The following MRPL51 variants were observed in gnomAD, a reference collection of about 807,000 sequenced individuals.
The protein encoded by MRPL51 is mitochondrial ribosomal protein L51.
Under a neutral mutation model 15.0 loss-of-function variants are expected in MRPL51, and 6 were observed. The observed-to-expected ratio is 0.40, with a 90% confidence interval of 0.22 to 0.79. The LOEUF (loss-of-function observed/expected upper bound fraction) is 0.79. MRPL51 is among the 30% of genes least tolerant of loss of function. The pLI is 0.36. For missense variants in MRPL51, 155 were observed against 166.4 expected, an observed-to-expected ratio of 0.93 and a Z score of 0.38; for synonymous variants, 65 against 58.3, an observed-to-expected ratio of 1.11 and a Z score of -0.52.
In MRPL51 at chr12:6,492,401, T is replaced by C. The variant is rs1175983998; in HGVS notation, c.257A>G (p.Asn86Ser). 4 of 1,614,098 alleles carry C rather than the reference T, an allele frequency of 2.5e-6. No individual in the cohort carries two copies. Among genetic ancestry groups the C allele is most frequent in the Admixed American group, 1.7e-5 (1 of 59,986 alleles). ...CTTTCGGATACAACGTTGCAATTCA[T>C]TCCCTTTCCAACCTCGAAGCCATAT... is the stretch of plus-strand genomic sequence containing the variant. Reference protein sequence around the residue: ...GPIWLRGWKGNELQRCIRKRK... With the variant: ...GPIWLRGWKGSELQRCIRKRK... Residue 86 changes from asparagine to serine, a missense_variant, in exon 3 of 3, where the codon AAT (asparagine) becomes AGT (serine). Asn to Ser is a conservative substitution (Grantham distance 46, BLOSUM62 1). Transcript: ENST00000229238.
In MRPL51 at chr12:6,492,844, T is replaced by G; in HGVS notation, c.190+18A>C. ...TGCCATTCTGAAATTGTGTACCACG[T>G]CGAAGGTCAAGTCTTACCCAGGATC... On this transcript the variant is annotated intron_variant, in intron 2 of 2. Coordinates refer to ENST00000229238, the MANE Select transcript of MRPL51 (RefSeq NM_016497.4). The G allele has an allele frequency of 6.3e-7, 1 of 1,579,688 alleles. No individual in the cohort carries two copies. Among genetic ancestry groups the G allele is most frequent in the African/African-American group, 1.3e-5 (1 of 74,124 alleles).
chr12:6,492,243 C>A lies in MRPL51; in HGVS notation c.*28G>T, dbSNP rs1339944454. On this transcript the variant is annotated 3_prime_UTR_variant, in exon 3 of 3. Coordinates refer to ENST00000229238, the MANE Select transcript of MRPL51 (RefSeq NM_016497.4). ...TCCCTTCTCCAGGGTGACAGATGAGCCTTTTCCGAAGTTCTCAGCTTTCTC... is the reference window on the plus strand; with the variant it reads ...TCCCTTCTCCAGGGTGACAGATGAGACTTTTCCGAAGTTCTCAGCTTTCTC... 6.4e-7 allele frequency: 1 copy of A among 1,556,598 alleles called. No homozygotes were observed. Among genetic ancestry groups the A allele is most frequent in the African/African-American group, 1.4e-5 (1 of 72,932 alleles).
chr12:6,493,033 C>CG, intron 1 of MRPL51, 25 bp downstream of exon 1: 1 of 1,613,940 alleles, frequency 6.2e-7, no homozygotes, highest in African/African-American at 1.3e-5. Context: ...AAGCAGTTAT[C>CG]GGGGTGCCTA....
chr12:6,492,836 G>T, intron 2 of MRPL51, 26 bp downstream of exon 2: 1 of 1,562,384 alleles, frequency 6.4e-7, no homozygotes, highest in Non-Finnish European at 8.8e-7. Context: ...CTGAAATTGT[G>T]TACCACGTCG....
chr12:6,492,766 G>A, intron 2 of MRPL51, 96 bp downstream of exon 2: 1 of 1,244,528 alleles, frequency 8.0e-7, no homozygotes, highest in Non-Finnish European at 1.2e-6. Context: ...TCTTACTATT[G>A]AGCACAGTAC....
Position 6,493,078 on chromosome 12 carries a change from G to C in MRPL51, c.59C>G (p.Ala20Gly). The change falls in exon 1 of 3, where the codon GCG becomes GGG. Residue 20 changes from alanine to glycine, a missense_variant. Coordinates refer to ENST00000229238, the MANE Select transcript of MRPL51 (RefSeq NM_016497.4). ...GRRLWDWVPL[A>G]CRSFSLGVPR... ...CTTACCAAGAGAGAAGCTTCTGCAC[G>C]CCAGAGGCACCCAGTCCCACAGGCG... is the stretch of plus-strand genomic sequence containing the variant. 1 of 1,613,368 alleles carries C rather than the reference G, an allele frequency of 6.2e-7. No individual in the cohort carries two copies. Among genetic ancestry groups the C allele is most frequent in the African/African-American group, 1.3e-5 (1 of 75,004 alleles).
In MRPL51 at chr12:6,493,225, G is replaced by C. The variant is rs1009970512; in HGVS notation, c.-89C>G. The C allele has an allele frequency of 2.8e-6, 4 of 1,407,058 alleles. No individual in the cohort carries two copies. The highest frequency in any genetic ancestry group is 3.9e-6 in the Non-Finnish European group (4 of 1,015,434). The allele number at this position is 1,407,058 out of a possible 1,614,324, so 87.2% of individuals were successfully genotyped here. The stretch of plus-strand genomic sequence containing the variant: ...CCGCCAACTTCACACGAGTACTAAG[G>C]CGAAGACAGCCATCTTGGGCCTTAC... On this transcript the variant is annotated 5_prime_UTR_variant, in exon 1 of 3. Transcript: ENST00000229238.
At chr12:6,493,030 T>C (rs201163835) in intron 1 of MRPL51, 28 bp downstream of exon 1, 2 of 1,613,988 alleles carry the variant, frequency 1.2e-6, no homozygotes, top group Admixed American at 1.7e-5. Context: ...ACGAAGCAGT[T>C]ATCGGGGTGC....
chr12:6,492,192 G>A lies in MRPL51; in HGVS notation c.*79C>T, dbSNP rs1017125758. 12 of 1,409,070 alleles carry A rather than the reference G, an allele frequency of 8.5e-6. No homozygotes were observed. In the African/African-American group the frequency reaches 1.3e-4, roughly 15 times the overall value. 87.3% of individuals were successfully genotyped at this position (1,409,070 alleles called of 1,614,324 possible). On this transcript the variant is annotated 3_prime_UTR_variant, in exon 3 of 3. Coordinates refer to ENST00000229238, the MANE Select transcript of MRPL51 (RefSeq NM_016497.4). The stretch of plus-strand genomic sequence containing the variant: ...TTTATTACAGAGAAAATACAAAGCC[G>A]TTTCCTCACAGGGAAAAGTACAGTT...
Position 6,493,185 on chromosome 12 carries a change from T to A in MRPL51, c.-49A>T. The A allele has an allele frequency of 6.2e-7, 1 of 1,601,696 alleles. No homozygotes were observed. The highest frequency in any genetic ancestry group is 8.5e-7 in the Non-Finnish European group (1 of 1,172,056). ...AGCACACCAAATAAGCCCAAGAAGATGACAGGAACCGTCCCCGCCAACTTC... is the reference window on the plus strand; with the variant it reads ...AGCACACCAAATAAGCCCAAGAAGAAGACAGGAACCGTCCCCGCCAACTTC... On this transcript the variant is annotated 5_prime_UTR_variant, in exon 1 of 3. Transcript: ENST00000229238.
rs1371202189 is a variant in MRPL51, at chr12:6,492,123, G to C, written c.*148C>G. On this transcript the variant is annotated 3_prime_UTR_variant, in exon 3 of 3. Coordinates refer to ENST00000229238, the MANE Select transcript of MRPL51 (RefSeq NM_016497.4). Reference sequence around the variant, plus strand: ...TACATGAGTAGAGGCAGCATCTAGAGGAAAACAAAAGTATGTGGCTATCAA... The same window carrying C: ...TACATGAGTAGAGGCAGCATCTAGACGAAAACAAAAGTATGTGGCTATCAA... The C allele has an allele frequency of 1.3e-6, 1 of 799,810 alleles. No homozygotes were observed. The highest frequency in any genetic ancestry group is 1.9e-6 in the Non-Finnish European group (1 of 514,546). 49.5% of individuals were successfully genotyped at this position (799,810 alleles called of 1,614,324 possible). A position where few individuals can be genotyped will look rare whatever the true frequency, so the allele number is the denominator to read the frequency against.
rs776294161 is a variant in MRPL51 at position 6,492,843 on chromosome 12, G to A, written c.190+19C>T. On this transcript the variant is annotated intron_variant, in intron 2 of 2. Transcript: ENST00000229238. Reference sequence around the variant, plus strand: ...TTGCCATTCTGAAATTGTGTACCACGTCGAAGGTCAAGTCTTACCCAGGAT... The same window carrying A: ...TTGCCATTCTGAAATTGTGTACCACATCGAAGGTCAAGTCTTACCCAGGAT... The A allele has an allele frequency of 6.3e-7, 1 of 1,576,032 alleles. No individual in the cohort carries two copies. The highest frequency in any genetic ancestry group is 8.7e-7 in the Non-Finnish European group (1 of 1,145,604).
At chr12:6,492,639 G>T (rs1212604281) in intron 2 of MRPL51, among the ~76,000 whole-genome samples, 172 bp from the exon 3 acceptor site, 1 of 152,158 alleles carries the variant, frequency 6.6e-6, no homozygotes. Flanking sequence ...TTAAAATTCT[G>T]ATGCTGCCAT....
In MRPL51 at chr12:6,493,080, C is replaced by A; in HGVS notation, c.57G>T (p.Leu19=). ...TACCAAGAGAGAAGCTTCTGCACGC[C>A]AGAGGCACCCAGTCCCACAGGCGCC... is the stretch of plus-strand genomic sequence containing the variant. ...AGRRLWDWVP[L]ACRSFSLGVP... Residue 19 remains leucine, a synonymous_variant, in exon 1 of 3, where the codon CTG becomes CTT. Coordinates refer to ENST00000229238, the MANE Select transcript of MRPL51 (RefSeq NM_016497.4). 6.2e-7 allele frequency: 1 copy of A among 1,613,294 alleles called. No individual in the cohort carries two copies. Among genetic ancestry groups the A allele is most frequent in the African/African-American group, 1.3e-5 (1 of 75,004 alleles).
At position 6,492,221 on chromosome 12, in the gene MRPL51, C is replaced by T. The variant is rs779296628; in HGVS notation, c.*50G>A. On this transcript the variant is annotated 3_prime_UTR_variant, in exon 3 of 3. Transcript: ENST00000229238. Reference sequence around the variant, plus strand: ...CCTCACAGGGAAAAGTACAGTTTCCCTTCTCCAGGGTGACAGATGAGCCTT... The same window carrying T: ...CCTCACAGGGAAAAGTACAGTTTCCTTTCTCCAGGGTGACAGATGAGCCTT... The T allele has an allele frequency of 4.6e-6, 7 of 1,505,780 alleles. No individual in the cohort carries two copies. Among genetic ancestry groups the T allele is most frequent in the African/African-American group, 1.4e-5 (1 of 71,388 alleles). The allele number at this position is 1,505,780 out of a possible 1,614,324, so 93.3% of individuals were successfully genotyped here.
At chr12:6,492,553 G>T (rs1945932441) in intron 2 of MRPL51, 86 bp from the exon 3 acceptor site, 2 of 1,340,616 alleles carry the variant, frequency 1.5e-6, no homozygotes, top group Admixed American at 2.2e-5. Flanking sequence ...GTTGCATCTT[G>T]CTGAGCAGCA....
At chr12:6,492,566 T>C in intron 2 of MRPL51, 99 bp from the exon 3 acceptor site, 1 of 1,249,546 alleles carries the variant, frequency 8.0e-7, no homozygotes, top group Non-Finnish European at 1.1e-6. Context: ...GAGCAGCACC[T>C]ATAGACAAGG....
Position 6,493,195 on chromosome 12 carries a change from C to T in MRPL51, c.-59G>A. 2 of 1,584,402 alleles carry T rather than the reference C, an allele frequency of 1.3e-6. No individual in the cohort carries two copies. The highest frequency in any genetic ancestry group is 1.7e-6 in the Non-Finnish European group (2 of 1,158,630). On this transcript the variant is annotated 5_prime_UTR_variant, in exon 1 of 3. Coordinates refer to ENST00000229238, the MANE Select transcript of MRPL51 (RefSeq NM_016497.4). ...ATAAGCCCAAGAAGATGACAGGAACCGTCCCCGCCAACTTCACACGAGTAC... is the reference window on the plus strand; with the variant it reads ...ATAAGCCCAAGAAGATGACAGGAACTGTCCCCGCCAACTTCACACGAGTAC...
chr12:6,492,426 T>C lies in MRPL51; in HGVS notation c.232A>G (p.Ile78Val), dbSNP rs1945930303. Residue 78 changes from isoleucine (I) to valine (V), a missense_variant, in exon 3 of 3, where the codon ATA (isoleucine) becomes GTA (valine). Ile to Val is a conservative substitution (Grantham distance 29). Transcript: ENST00000229238. ...TTCCCTTTCCAACCTCGAAGCCATA[T>C]GGGCCCCCTGATCAGTTCTTTGGGG... ...KHPKELIRGP[I>V]WLRGWKGNEL... 1.2e-6 allele frequency: 2 copies of C among 1,613,478 alleles called. No individual in the cohort carries two copies. Among genetic ancestry groups the C allele is most frequent in the Non-Finnish European group, 1.7e-6 (2 of 1,179,778 alleles).
Sources: allele counts gnomAD v4.1 joint callset (sites outside exome capture counted in the v4.1 genomes callset), GRCh38; gene constraint gnomAD v4.1.1; transcripts MANE v1.5; gene names NCBI Gene and HGNC (gene_info 2026-07-23, HGNC 2026-07-21).